FAM169A: variants seen among roughly 807,000 people sequenced by gnomAD.
FAM169A encodes soluble lamin-associated protein of 75 kDa.
FAM169A carries 24 observed loss-of-function variants against 75.7 expected under a neutral mutation model. The observed-to-expected ratio is 0.32, with a 90% CI of 0.23 to 0.45. The LOEUF (loss-of-function observed/expected upper bound fraction) is 0.45. Ranked by LOEUF, FAM169A falls within the 20% of genes least tolerant of loss-of-function variation. The probability of loss-of-function intolerance (pLI) is 1.00; values close to 1 mark genes in which losing one functional copy is unlikely to be tolerated. For missense variants in FAM169A, 673 were observed against 784.0 expected (o/e 0.86, Z 1.69); for synonymous variants, 271 against 271.0 (o/e 1.00, Z 0.00).
chr5:74,791,901 G>A (rs1359173843), intron 11 of FAM169A, among the ~76,000 whole-genome samples: 1 of 152,214 alleles, frequency 6.6e-6, no homozygotes, highest in Non-Finnish European at 1.5e-5. Flanking sequence ...AACCAGGACT[G>A]TAATTGTCAT....
At position 74,784,510 on chromosome 5, in the gene FAM169A, C is replaced by CAAAAAAAAAAAAAAAAA. The variant is rs200414695; in HGVS notation, c.1261-1393_1261-1377dup. 5.0e-4 allele frequency among the ~76,000 whole-genome samples: 15 copies of CAAAAAAAAAAAAAAAAA among 29,862 alleles called. 1 individual carries two copies. The highest frequency in any genetic ancestry group is 2.7e-3 in the African/African-American group (13 of 4,896). 19.6% of individuals were successfully genotyped at this position (29,862 alleles called of 152,430 possible). Reference sequence around the variant, plus strand: ...AGGGAGACAGAGCAAGACTCCGTCTCAAAAAAAAAAAAAAAAAAACAAGAA... The same window carrying CAAAAAAAAAAAAAAAAA: ...AGGGAGACAGAGCAAGACTCCGTCTCAAAAAAAAAAAAAAAAAAAAAAAAAAAAAAAAAAAACAAGAA... On this transcript the variant is annotated intron_variant, in intron 11 of 12. Transcript: ENST00000687041.
At chr5:74,844,570 G>A (rs111635695) in intron 1 of FAM169A, among the ~76,000 whole-genome samples, 22,275 of 152,098 alleles carry the variant, frequency 0.15, 1,890 homozygotes, top group African/African-American at 0.23. Flanking sequence ...CTGTAATCCC[G>A]ACACTCTGGG....
intron 1 of FAM169A, among the ~76,000 whole-genome samples, chr5:74,856,944 C>T (rs998816855): frequency 1.3e-5 from 2 of 151,252 alleles, no homozygotes; most frequent in Non-Finnish European, 2.9e-5. Context: ...CCCATCTCTA[C>T]TAAAAATACA....
chr5:74,783,509 T>C (rs1266974327), intron 11 of FAM169A, among the ~76,000 whole-genome samples: 1 of 152,160 alleles, frequency 6.6e-6, no homozygotes, highest in African/African-American at 2.4e-5. Flanking sequence ...AGACAGAGTA[T>C]AGACTTGATG....
At chr5:74,856,813 G>GA (rs60985381) in intron 1 of FAM169A, among the ~76,000 whole-genome samples, 1,732 of 112,388 alleles carry the variant, frequency 0.015, 23 homozygotes, top group African/African-American at 0.044. Context: ...CACATTTTAA[G>GA]AAAAAAAAAA....
intron 11 of FAM169A, among the ~76,000 whole-genome samples, chr5:74,794,700 AC>A (rs1204109694): frequency 6.8e-6 from 1 of 146,702 alleles, no homozygotes; most frequent in African/African-American, 2.6e-5. Flanking sequence ...AATGGCCTGA[AC>A]CCGGGAGGCA....
At chr5:74,810,150 A>C (rs541442950) in intron 6 of FAM169A, among the ~76,000 whole-genome samples, 1 of 152,344 alleles carries the variant, frequency 6.6e-6, no homozygotes, top group East Asian at 1.9e-4. Context: ...AAATTTAAAA[A>C]GGAATGAAGT....
intron 11 of FAM169A, among the ~76,000 whole-genome samples, chr5:74,789,778 C>A (rs1745881346): frequency 1.3e-5 from 2 of 152,058 alleles, no homozygotes; most frequent in South Asian, 4.2e-4. Context: ...CTGTTTGGAG[C>A]CTTTGGCAGG....
chr5:74,806,749 T>C (rs1376187874), intron 6 of FAM169A, among the ~76,000 whole-genome samples: 1 of 152,148 alleles, frequency 6.6e-6, no homozygotes, highest in Non-Finnish European at 1.5e-5. Flanking sequence ...GATTAGGAGA[T>C]ATTTAGAGTA....
chr5:74,865,307 A>G (rs983199970), intron 1 of FAM169A: 3 of 152,138 alleles, frequency 2.0e-5, no homozygotes, highest in African/African-American at 7.2e-5. Flanking sequence ...TCCGGTCCCA[A>G]TCCCCCAAAA....
upstream of FAM169A, chr5:74,866,581 C>T (rs890455608): frequency 3.7e-6 from 2 of 543,030 alleles, no homozygotes; most frequent in Non-Finnish European, 4.7e-6. Context: ...GCCCCCGCCT[C>T]GCCACCCGCG....
intron 1 of FAM169A, among the ~76,000 whole-genome samples, chr5:74,843,074 G>A (rs1169481117): frequency 2.0e-5 from 3 of 151,588 alleles, no homozygotes; most frequent in Non-Finnish European, 4.4e-5. Flanking sequence ...GGGGGGCGGG[G>A]GCAGCAAAGT....
intron 5 of FAM169A, among the ~76,000 whole-genome samples, chr5:74,817,915 A>G (rs1747554074): frequency 6.6e-6 from 1 of 152,200 alleles, no homozygotes; most frequent in Admixed American, 6.5e-5. Flanking sequence ...GGAAAATTAT[A>G]TATTTAACGA....
At chr5:74,866,771 A>T (rs1383421589), upstream of FAM169A, 1 of 985,434 alleles carries the variant, frequency 1.0e-6, no homozygotes, top group African/African-American at 1.7e-5. Context: ...TTCTGTTCGC[A>T]TAGCCCGGTG....
Position 74,780,244 on chromosome 5 carries a change from G to C in FAM169A, c.*1216C>G, listed in dbSNP as rs552316765. The C allele has an allele frequency of 6.6e-6, 1 of 152,320 alleles. No homozygotes were observed. 9.4% of individuals were successfully genotyped at this position (152,320 alleles called of 1,614,324 possible). ...GATTGAAGCCTCCAATATGATTGAAGCCCTTGTAACCACAGCTCCCCCAAA... is the reference window on the plus strand; with the variant it reads ...GATTGAAGCCTCCAATATGATTGAACCCCTTGTAACCACAGCTCCCCCAAA... On this transcript the variant is annotated 3_prime_UTR_variant, in exon 13 of 13. Transcript: ENST00000687041.
At chr5:74,831,285 GCTTGAT>G (rs1748296992) in intron 5 of FAM169A, among the ~76,000 whole-genome samples, 1 of 152,254 alleles carries the variant, frequency 6.6e-6, no homozygotes. Flanking sequence ...TGATACTAAT[GCTTGAT>G]TTTGTCTTAC....
At chr5:74,826,704 T>C (rs1296682215) in intron 5 of FAM169A, among the ~76,000 whole-genome samples, 1 of 152,210 alleles carries the variant, frequency 6.6e-6, no homozygotes, top group Admixed American at 6.5e-5. Flanking sequence ...AGAGCTCCCA[T>C]ATACCCTTCA....
At chr5:74,823,293 G>T (rs1747856137) in intron 5 of FAM169A, among the ~76,000 whole-genome samples, 1 of 151,976 alleles carries the variant, frequency 6.6e-6, no homozygotes, top group Admixed American at 6.6e-5. Flanking sequence ...ATGACTCTCT[G>T]CCTTCTGCAT....
At chr5:74,864,961 T>C (rs1750237621) in intron 1 of FAM169A, among the ~76,000 whole-genome samples, 1 of 151,816 alleles carries the variant, frequency 6.6e-6, no homozygotes, top group Non-Finnish European at 1.5e-5. Flanking sequence ...ATAAGGGACG[T>C]AGTTTGCAAA....
Sources: allele counts gnomAD v4.1 joint callset (sites outside exome capture counted in the v4.1 genomes callset), GRCh38; gene constraint gnomAD v4.1.1; transcripts MANE v1.5; gene names NCBI Gene and HGNC (gene_info 2026-07-23, HGNC 2026-07-21).